ATP2B3: variants seen among roughly 807,000 people sequenced by gnomAD.
ATP2B3 encodes the protein plasma membrane calcium-transporting ATPase 3.
In ATP2B3, 12 loss-of-function variants were observed where a neutral mutation model predicts 70.8. That is an observed-to-expected ratio of 0.17 (90% CI 0.11 to 0.27). ATP2B3 has a LOEUF of 0.27. Among genes scored for constraint, ATP2B3 ranks in the 10% least tolerant of loss-of-function variants. The pLI, the probability that ATP2B3 is intolerant of heterozygous loss-of-function variation, is 1.00. For synonymous variants in ATP2B3, 460 were observed against 497.8 expected, an observed-to-expected ratio of 0.92 and a Z score of 1.01; for missense variants, 858 against 1,118.5, an observed-to-expected ratio of 0.77 and a Z score of 3.32.
At chrX:153,570,855 CCTTT>C (rs1267490472) in intron 21 of ATP2B3, among the ~76,000 whole-genome samples, 15 of 110,343 alleles carry the variant, frequency 1.4e-4, no homozygotes, top group South Asian at 1.1e-3. Context: ...CTTTTCTTTT[CCTTT>C]CTTTTTTTTT....
chrX:153,562,187 C>T lies in ATP2B3; in HGVS notation c.3104C>T (p.Thr1035Ile), dbSNP rs1569535421. 1.6e-6 allele frequency: 2 copies of T among 1,212,224 alleles called. No homozygotes were observed. The highest frequency in any genetic ancestry group is 1.8e-5 in the South Asian group (1 of 57,027). The change falls in exon 20 of 22, where the codon ACA (threonine) becomes ATA (isoleucine). Residue 1035 changes from threonine to isoleucine, a missense_variant. By Grantham distance (89) the Thr-to-Ile change is moderately conservative. Around this residue, in one of 5 missense-constraint regions of ATP2B3, gnomAD observed 265 missense variants for 305.3 expected, o/e 0.87. Coordinates refer to ENST00000263519, the MANE Select transcript of ATP2B3 (RefSeq NM_001001344.3). Reference protein sequence around the residue: ...GKPFSCSPLSTEQWLWCLFVG... With the variant: ...GKPFSCSPLSIEQWLWCLFVG... ...CCCTTCAGCTGCTCCCCACTATCCACAGAACAGTGGCTCTGGTGCCTGTTT... is the reference window on the plus strand; with the variant it reads ...CCCTTCAGCTGCTCCCCACTATCCATAGAACAGTGGCTCTGGTGCCTGTTT...
chrX:153,526,954 G>T (rs1394226618), intron 2 of ATP2B3, among the ~76,000 whole-genome samples: 2 of 112,027 alleles, frequency 1.8e-5, no homozygotes, highest in East Asian at 5.6e-4. Context: ...TTCCTAATGG[G>T]GCCCCATGGG....
intron 21 of ATP2B3, chrX:153,569,612 G>C (rs1263930031): frequency 8.3e-7 from 1 of 1,209,610 alleles, no homozygotes; most frequent in Non-Finnish European, 1.1e-6. Flanking sequence ...GATGGAGGTA[G>C]TGAGTACCTT....
At chrX:153,542,201 C>T in intron 5 of ATP2B3, 122 bp from the exon 6 acceptor site, 1 of 1,062,398 alleles carries the variant, frequency 9.4e-7, no homozygotes, top group South Asian at 2.2e-5. Flanking sequence ...GTCCTCGTTC[C>T]CCAGAAGGAG....
chrX:153,544,592 G>A (rs1285953992), intron 7 of ATP2B3, among the ~76,000 whole-genome samples: 2 of 111,448 alleles, frequency 1.8e-5, no homozygotes, highest in Non-Finnish European at 3.8e-5. Context: ...TGGGTAGAGG[G>A]TACCAGCAAG....
intron 12 of ATP2B3, among the ~76,000 whole-genome samples, chrX:153,550,762 A>C (rs1434317653): frequency 9.0e-6 from 1 of 111,430 alleles, no homozygotes; most frequent in Non-Finnish European, 1.9e-5. Context: ...ACGCCCAGCG[A>C]ATTTTCAAAT....
At chrX:153,568,498 C>G (rs1330239201) in intron 21 of ATP2B3, among the ~76,000 whole-genome samples, 1 of 111,316 alleles carries the variant, frequency 9.0e-6, no homozygotes, top group Non-Finnish European at 1.9e-5. Flanking sequence ...ACCCCCCACC[C>G]CGCAAGCCAC....
Position 153,559,736 on chromosome X carries a change from C to T in ATP2B3, c.2633C>T (p.Pro878Leu). 3.3e-6 allele frequency: 4 copies of T among 1,210,937 alleles called. No homozygotes were observed. The highest frequency in any genetic ancestry group is 4.5e-6 in the Non-Finnish European group (4 of 895,246). ...ACTGCCTCCTCTCCATAGGACTCTC[C>T]TCTCAAAGCCGTGCAGATGTTGTGG... ...FTGACITQDS[P>L]LKAVQMLWVN... is the part of the protein sequence containing the mutation. The change falls in exon 18 of 22, where the codon CCT (proline) becomes CTT (leucine). Residue 878 changes from proline (P) to leucine (L), a missense_variant. Coordinates refer to ENST00000263519, the MANE Select transcript of ATP2B3 (RefSeq NM_001001344.3).
In ATP2B3 at chrX:153,526,623, G is replaced by A. The variant is rs193138014; in HGVS notation, c.-127+8072G>A. Among the ~76,000 whole-genome samples, 183 of 112,322 alleles carry A rather than the reference G, an allele frequency of 1.6e-3. 2 individuals carry two copies. Among genetic ancestry groups the A allele is most frequent in the African/African-American group, 1.5e-3 (46 of 30,895 alleles). On this transcript the variant is annotated intron_variant, in intron 2 of 21. Coordinates refer to ENST00000263519, the MANE Select transcript of ATP2B3 (RefSeq NM_001001344.3). ...ATGACCTTCGCGTCCTGCAGCCTCG[G>A]CTGCAGCTTCTGAGGTACCCTCTCT...
At chrX:153,546,015 C>G in intron 7 of ATP2B3, 73 bp from the exon 8 acceptor site, 1 of 1,147,620 alleles carries the variant, frequency 8.7e-7, no homozygotes, top group Non-Finnish European at 1.2e-6. Flanking sequence ...CCCTCCTCCC[C>G]ACCCCCTCTG....
At position 153,580,170 on chromosome X, in the gene ATP2B3, CCCAA is replaced by C; in HGVS notation, c.3539_3542del (p.Asn1180ArgfsTer6). 1 of 1,206,186 alleles carries C rather than the reference CCCAA, an allele frequency of 8.3e-7. No individual in the cohort carries two copies. The highest frequency in any genetic ancestry group is 1.8e-5 in the African/African-American group (1 of 56,328). ...CCTCCGGGCCCCCCCGCCCCCGTCCCCCAACCAGAACAACAACGCCATAGACAGC... is the reference window on the plus strand; with the variant it reads ...CCTCCGGGCCCCCCCGCCCCCGTCCCCCAGAACAACAACGCCATAGACAGC... On this transcript the variant is annotated frameshift_variant, in exon 22 of 22. Transcript: ENST00000263519. LOFTEE classifies it high-confidence loss of function.
At position 153,542,325 on chromosome X, in the gene ATP2B3, G is replaced by A. The variant is rs267606392; in HGVS notation, c.667G>A (p.Asp223Asn). The A allele has an allele frequency of 8.3e-7, 1 of 1,211,195 alleles. No individual in the cohort carries two copies. Among genetic ancestry groups the A allele is most frequent in the Non-Finnish European group, 1.1e-6 (1 of 895,436 alleles). ...GCCTCTGCTTCCCGGTGCTCTAGGCGACCTGCTGCCAGCCGACGGCGTGCT... is the reference window on the plus strand; with the variant it reads ...GCCTCTGCTTCCCGGTGCTCTAGGCAACCTGCTGCCAGCCGACGGCGTGCT... ...VGDIAQVKYG[D>N]LLPADGVLIQ... The change falls in exon 6 of 22, where the codon GAC becomes AAC. Residue 223 changes from aspartate to asparagine, a missense_variant and splice_region_variant. Physicochemically the swap from Asp to Asn is conservative, Grantham distance 23. This residue lies in a region of ATP2B3 where 278 missense variants were observed against 366.2 expected (regional missense o/e 0.76). Coordinates refer to ENST00000263519, the MANE Select transcript of ATP2B3 (RefSeq NM_001001344.3).
At chrX:153,519,868 C>T (rs782416793) in intron 2 of ATP2B3, among the ~76,000 whole-genome samples, 12 of 112,492 alleles carry the variant, frequency 1.1e-4, no homozygotes, top group African/African-American at 3.9e-4. Context: ...GAAGGAGAGC[C>T]GGTCCCTGAG....
At chrX:153,527,096 AC>A (rs1309221326) in intron 2 of ATP2B3, among the ~76,000 whole-genome samples, 3 of 112,351 alleles carry the variant, frequency 2.7e-5, no homozygotes, top group Non-Finnish European at 3.8e-5. Context: ...TTCCTTAATT[AC>A]CTATTTAGGC....
intron 8 of ATP2B3, among the ~76,000 whole-genome samples, chrX:153,547,527 T>C (rs1297652504): frequency 1.8e-5 from 2 of 111,163 alleles, no homozygotes; most frequent in Non-Finnish European, 3.8e-5. Context: ...CAGGTATTAT[T>C]TGGGGCATTC....
intron 7 of ATP2B3, among the ~76,000 whole-genome samples, chrX:153,544,886 T>C (rs782743062): frequency 1.8e-5 from 2 of 112,558 alleles, no homozygotes; most frequent in Non-Finnish European, 3.8e-5. Flanking sequence ...CCAGGGCCTG[T>C]GTGCAGGCTG....
intron 20 of ATP2B3, among the ~76,000 whole-genome samples, chrX:153,562,841 T>C (rs1195344328): frequency 1.8e-5 from 2 of 112,434 alleles, no homozygotes; most frequent in Non-Finnish European, 3.8e-5. Context: ...TTTCTCGAAG[T>C]CCCGGAGGCT....
intron 13 of ATP2B3, among the ~76,000 whole-genome samples, chrX:153,553,559 G>A (rs1163942049): frequency 8.9e-6 from 1 of 112,223 alleles, no homozygotes; most frequent in African/African-American, 3.2e-5. Context: ...GATCCACCCA[G>A]GACCGATGGA....
At chrX:153,523,758 C>T (rs1399533557) in intron 2 of ATP2B3, among the ~76,000 whole-genome samples, 2 of 94,291 alleles carry the variant, frequency 2.1e-5, no homozygotes, top group Non-Finnish European at 2.0e-5. Flanking sequence ...TGCAGTGGCG[C>T]GATCTCAGCT....
Sources: allele counts gnomAD v4.1 joint callset (sites outside exome capture counted in the v4.1 genomes callset), GRCh38; gene constraint gnomAD v4.1.1; regional missense constraint gnomAD v4.1.1; transcripts MANE v1.5; gene names NCBI Gene and HGNC (gene_info 2026-07-23, HGNC 2026-07-21).